Variants in SPAG16 observed in about 807,000 individuals in gnomAD.
SPAG16 encodes the protein sperm associated antigen 16.
In SPAG16, 86 loss-of-function variants were observed where a neutral mutation model predicts 80.4. The ratio of observed to expected loss-of-function variants is 1.07; its 90% CI spans 0.90 to 1.28. The LOEUF (loss-of-function observed/expected upper bound fraction) is 1.28, where lower values mean the gene tolerates loss of function less well. Ranked by LOEUF, SPAG16 falls within the 50% of genes most tolerant of loss-of-function variation. SPAG16 has a pLI of 0.00. For synonymous variants in SPAG16, 294 were observed against 265.9 expected (o/e 1.11, Z -1.03); for missense variants, 870 against 765.3 (o/e 1.14, Z -1.61).
chr2:213,869,050 G>C (rs574776772), intron 11 of SPAG16, among the ~76,000 whole-genome samples: 4 of 151,366 alleles, frequency 2.6e-5, no homozygotes, highest in Non-Finnish European at 5.9e-5. Flanking sequence ...TCAGGATTTC[G>C]AGACCAGCCT....
intron 13 of SPAG16, among the ~76,000 whole-genome samples, chr2:214,078,863 T>C (rs968810309): frequency 6.6e-6 from 1 of 152,216 alleles, no homozygotes; most frequent in Non-Finnish European, 1.5e-5. Flanking sequence ...TTACAAGGAA[T>C]ATTTTGGATT....
chr2:213,753,304 G>A (rs1488349728), intron 10 of SPAG16, among the ~76,000 whole-genome samples: 4 of 152,000 alleles, frequency 2.6e-5, no homozygotes, highest in South Asian at 2.1e-4. Context: ...GAGCTGCTGC[G>A]CCCAGCCTAT....
intron 13 of SPAG16, among the ~76,000 whole-genome samples, chr2:214,022,396 A>G (rs1176408803): frequency 6.6e-6 from 1 of 152,166 alleles, no homozygotes; most frequent in Non-Finnish European, 1.5e-5. Flanking sequence ...CCTTGGGCAT[A>G]TTGTATAAAA....
intron 9 of SPAG16, among the ~76,000 whole-genome samples, chr2:213,377,464 C>T (rs1240643585): frequency 1.3e-5 from 2 of 152,154 alleles, no homozygotes; most frequent in African/African-American, 2.4e-5. Flanking sequence ...TTGCAAAACA[C>T]AATCTCAAAT....
chr2:213,891,173 C>T (rs185693736), intron 11 of SPAG16, among the ~76,000 whole-genome samples: 6 of 151,864 alleles, frequency 4.0e-5, no homozygotes, highest in Non-Finnish European at 8.8e-5. Context: ...ATTAATGGGT[C>T]GCTATTAAGA....
chr2:213,739,311 T>C (rs2067434125), intron 10 of SPAG16, among the ~76,000 whole-genome samples: 1 of 152,240 alleles, frequency 6.6e-6, no homozygotes, highest in African/African-American at 2.4e-5. Context: ...ATTGCTTTTA[T>C]TCAGAATTAA....
At chr2:213,849,473 T>TA (rs895110664) in intron 10 of SPAG16, among the ~76,000 whole-genome samples, 11 of 152,162 alleles carry the variant, frequency 7.2e-5, no homozygotes, top group African/African-American at 2.4e-4. Context: ...ACTTCAATGA[T>TA]AAAAAAATTA....
chr2:214,047,116 A>G (rs1158584632), intron 13 of SPAG16, among the ~76,000 whole-genome samples: 1 of 152,148 alleles, frequency 6.6e-6, no homozygotes, highest in African/African-American at 2.4e-5. Context: ...TACCCAAAAC[A>G]ATCTACAGAT....
At chr2:214,232,734 A>G (rs1339796953) in intron 15 of SPAG16, among the ~76,000 whole-genome samples, 3 of 152,050 alleles carry the variant, frequency 2.0e-5, no homozygotes, top group Non-Finnish European at 2.9e-5. Context: ...TTCAATGACT[A>G]TATTTAGTGT....
At chr2:213,442,290 G>T (rs2071020406) in intron 9 of SPAG16, among the ~76,000 whole-genome samples, 4 of 152,252 alleles carry the variant, frequency 2.6e-5, no homozygotes, top group Admixed American at 2.6e-4. Context: ...AATAAATGGA[G>T]ATTTATTTCG....
intron 10 of SPAG16, among the ~76,000 whole-genome samples, chr2:213,745,822 T>G (rs2556307): frequency 0.92 from 140,749 of 152,194 alleles, 66,123 homozygotes; most frequent in East Asian, 1. Flanking sequence ...TACTAGAATG[T>G]AATAATAAAA....
chr2:213,916,157 C>G (rs937352422), intron 11 of SPAG16, among the ~76,000 whole-genome samples: 5 of 152,100 alleles, frequency 3.3e-5, no homozygotes, highest in Non-Finnish European at 7.4e-5. Context: ...GTTGCCATTG[C>G]TTTTGGTGTT....
At chr2:213,819,472 A>C (rs2072791745) in intron 10 of SPAG16, among the ~76,000 whole-genome samples, 2 of 152,134 alleles carry the variant, frequency 1.3e-5, no homozygotes, top group South Asian at 4.1e-4. Context: ...GTTCACTCTT[A>C]TATTCTCAGT....
chr2:213,489,936 G>C (rs780967222), intron 9 of SPAG16, 27 bp from the exon 10 acceptor site: 1 of 1,575,206 alleles, frequency 6.3e-7, no homozygotes, highest in South Asian at 1.2e-5. Context: ...ATTTAACACA[G>C]AGCTCTTGTT....
intron 9 of SPAG16, among the ~76,000 whole-genome samples, chr2:213,415,260 G>A (rs1171404373): frequency 6.6e-6 from 1 of 152,218 alleles, no homozygotes; most frequent in Non-Finnish European, 1.5e-5. Flanking sequence ...GGCCAGGGAA[G>A]CATGCAAGGA....
At chr2:213,775,746 T>C (rs2069536411) in intron 10 of SPAG16, among the ~76,000 whole-genome samples, 1 of 152,246 alleles carries the variant, frequency 6.6e-6, no homozygotes. Context: ...CTTGCAACTT[T>C]CTACATCTTT....
chr2:213,787,291 A>C (rs900592491), intron 10 of SPAG16, among the ~76,000 whole-genome samples: 5 of 152,146 alleles, frequency 3.3e-5, no homozygotes, highest in African/African-American at 1.2e-4. Flanking sequence ...GTAGAAGTTG[A>C]TGAGTGATAA....
At chr2:213,439,485 C>G (rs1335789087) in intron 9 of SPAG16, among the ~76,000 whole-genome samples, 1 of 152,142 alleles carries the variant, frequency 6.6e-6, no homozygotes, top group East Asian at 1.9e-4. Flanking sequence ...TGGCAGAAAG[C>G]TTAATGGAAT....
chr2:213,503,681 TA>T (rs2074844482), intron 10 of SPAG16, among the ~76,000 whole-genome samples: 1 of 152,206 alleles, frequency 6.6e-6, no homozygotes, highest in Non-Finnish European at 1.5e-5. Context: ...GCACTATCCT[TA>T]AAAATAAATC....
Sources: gnomAD v4.1 joint callset for allele counts (sites outside exome capture counted in the v4.1 genomes callset) on GRCh38, gnomAD v4.1.1 for gene constraint, MANE v1.5 for transcripts, NCBI Gene and HGNC (gene_info 2026-07-23, HGNC 2026-07-21) for gene names.